Variants in NKX3-2 observed in about 807,000 individuals in gnomAD.
The protein encoded by NKX3-2 is homeobox protein Nkx-3.2.
A neutral mutation model predicts 19.4 loss-of-function variants in NKX3-2; 13 were observed. The ratio of observed to expected loss-of-function variants is 0.67; its 90% CI spans 0.44 to 1.07. NKX3-2 has a LOEUF of 1.07. Ranked by LOEUF, NKX3-2 falls within the 50% of genes least tolerant of loss-of-function variation. The pLI is 0.00. For synonymous variants in NKX3-2, 269 were observed against 230.5 expected (o/e 1.17, Z -1.51); for missense variants, 562 against 488.2 (o/e 1.15, Z -1.42).
chr4:13,542,182 C>T lies in NKX3-2; in HGVS notation c.813G>A (p.Leu271=), dbSNP rs1370223381. ...CCTTCTTGGCGGCGGGCGCCGAGGC[C>T]AGCAGGTCGGCTGCCATCTGCCGGC... ...TKRRQMAADL[L]ASAPAAKKVA... is the part of the protein sequence containing the mutation. The change falls in exon 2 of 2, where the codon CTG becomes CTA. Residue 271 remains leucine (L), a synonymous_variant. Coordinates refer to ENST00000382438, the MANE Select transcript of NKX3-2 (RefSeq NM_001189.4). This position sits in a 1 kb window ranked among gnomAD's most constrained non-coding sequence, Gnocchi z 6.4. 1.2e-6 allele frequency: 2 copies of T among 1,608,616 alleles called. No individual in the cohort carries two copies. The highest frequency in any genetic ancestry group is 1.7e-5 in the Admixed American group (1 of 59,358).
At chr4:13,545,905 T>C (rs909784475), upstream of NKX3-2, among the ~76,000 whole-genome samples, 2 of 152,348 alleles carry the variant, frequency 1.3e-5, no homozygotes, top group South Asian at 2.1e-4. Flanking sequence ...CATTGTATTA[T>C]GTAATAGTAG....
At chr4:13,547,101 T>G (rs1265033940), upstream of NKX3-2, 2 of 456,204 alleles carry the variant, frequency 4.4e-6, no homozygotes, top group African/African-American at 4.0e-5. Context: ...GGTCTTGAGC[T>G]GCAACTAGAA....
At chr4:13,545,876 C>T (rs189124040), upstream of NKX3-2, among the ~76,000 whole-genome samples, 579 of 152,156 alleles carry the variant, frequency 3.8e-3, 1 homozygote, top group African/African-American at 0.013. Context: ...ACTTTTTGCT[C>T]TTTAAAAAAT....
rs1489961154 is a variant in NKX3-2 at position 13,544,088 on chromosome 4, G to T, written c.327C>A (p.Asp109Glu). 12 of 1,586,068 alleles carry T rather than the reference G, an allele frequency of 7.6e-6. No homozygotes were observed. Among genetic ancestry groups the T allele is most frequent in the African/African-American group, 1.4e-5 (1 of 73,356 alleles). ...GGCCGGCCCCGCTGGCCCCCCGCGCGTCCGCGCAGCGCCGCCTGCTCTCGT... is the reference window on the plus strand; with the variant it reads ...GGCCGGCCCCGCTGGCCCCCCGCGCTTCCGCGCAGCGCCGCCTGCTCTCGT... ...EENESRRRCA[D>E]ARGASGAGLA... is the part of the protein sequence containing the mutation. The change falls in exon 1 of 2, where the codon GAC becomes GAA. Residue 109 changes from aspartate to glutamate, a missense_variant. Asp to Glu is a conservative substitution (Grantham distance 45). Transcript: ENST00000382438.
chr4:13,542,191 G>A lies in NKX3-2; in HGVS notation c.804C>T (p.Ala268=). 1 of 1,609,518 alleles carries A rather than the reference G, an allele frequency of 6.2e-7. No homozygotes were observed. The highest frequency in any genetic ancestry group is 2.2e-5 in the East Asian group (1 of 44,620). ...RYKTKRRQMA[A]DLLASAPAAK... is the part of the protein sequence containing the mutation. ...CGGCGGGCGCCGAGGCCAGCAGGTC[G>A]GCTGCCATCTGCCGGCGCTTTGTCT... is the stretch of plus-strand genomic sequence containing the variant. Residue 268 remains alanine (A), a synonymous_variant, in exon 2 of 2, where the codon GCC becomes GCT. Coordinates refer to ENST00000382438, the MANE Select transcript of NKX3-2 (RefSeq NM_001189.4). The surrounding 1 kb of genome is among the most constrained non-coding windows in gnomAD (Gnocchi z 6.4).
rs971560643 is a variant in NKX3-2, at chr4:13,543,535, G to A, written c.466+414C>T. On this transcript the variant is annotated intron_variant, in intron 1 of 1. Transcript: ENST00000382438. The surrounding 1 kb of genome is among the most constrained non-coding windows in gnomAD (Gnocchi z 7.1). ...CCGGCCCTGGGACCTTGAACTGGCAGGTCTCTGGTCCAGAGCTAGGTCACT... is the reference window on the plus strand; with the variant it reads ...CCGGCCCTGGGACCTTGAACTGGCAAGTCTCTGGTCCAGAGCTAGGTCACT... Among the ~76,000 whole-genome samples, 1 of 152,160 alleles carries A rather than the reference G, an allele frequency of 6.6e-6. No individual in the cohort carries two copies. Among genetic ancestry groups the A allele is most frequent in the African/African-American group, 2.4e-5 (1 of 41,424 alleles).
Position 13,543,092 on chromosome 4 carries a change from G to C in NKX3-2, c.467-564C>G, listed in dbSNP as rs1244864762. 6.6e-6 allele frequency among the ~76,000 whole-genome samples: 1 copy of C among 152,078 alleles called. No homozygotes were observed. The highest frequency in any genetic ancestry group is 2.4e-5 in the African/African-American group (1 of 41,430). ...GAGAGACATGGAAACAGGCTGAGCC[G>C]AGGCCTTAGATGAGAGGATGGACTG... On this transcript the variant is annotated intron_variant, in intron 1 of 1. Coordinates refer to ENST00000382438, the MANE Select transcript of NKX3-2 (RefSeq NM_001189.4). The surrounding 1 kb of genome is among the most constrained non-coding windows in gnomAD (Gnocchi z 7.1).
Position 13,542,802 on chromosome 4 carries a change from C to A in NKX3-2, c.467-274G>T, listed in dbSNP as rs1445744986. The stretch of plus-strand genomic sequence containing the variant: ...AGACCAGCTCCCCACCCTCTCTGGG[C>A]CCCAGGCTCCCCTCAGTAACTTGGG... On this transcript the variant is annotated intron_variant, in intron 1 of 1. Coordinates refer to ENST00000382438, the MANE Select transcript of NKX3-2 (RefSeq NM_001189.4). The surrounding 1 kb of genome is among the most constrained non-coding windows in gnomAD (Gnocchi z 6.4). 6.6e-6 allele frequency among the ~76,000 whole-genome samples: 1 copy of A among 152,050 alleles called. No homozygotes were observed. The highest frequency in any genetic ancestry group is 2.4e-5 in the African/African-American group (1 of 41,414).
Position 13,541,866 on chromosome 4 carries a change from C to A in NKX3-2, c.*127G>T. 7.1e-7 allele frequency: 1 copy of A among 1,404,028 alleles called. No homozygotes were observed. The highest frequency in any genetic ancestry group is 9.7e-7 in the Non-Finnish European group (1 of 1,035,320). The allele number at this position is 1,404,028 out of a possible 1,614,324, so 87.0% of individuals were successfully genotyped here. On this transcript the variant is annotated 3_prime_UTR_variant, in exon 2 of 2. Coordinates refer to ENST00000382438, the MANE Select transcript of NKX3-2 (RefSeq NM_001189.4). The stretch of plus-strand genomic sequence containing the variant: ...GGGGACAAGTCCTGGCTAACGGGAG[C>A]TGGAGCTGGGTTTCACCTCCAGGTG...
chr4:13,541,589 G>A lies in NKX3-2; in HGVS notation c.*404C>T, dbSNP rs2109003964. The A allele has an allele frequency of 5.0e-6, 1 of 198,284 alleles. No individual in the cohort carries two copies. The highest frequency in any genetic ancestry group is 5.5e-5 in the Admixed American group (1 of 18,062). 12.3% of individuals were successfully genotyped at this position (198,284 alleles called of 1,614,324 possible). A position where few individuals can be genotyped will look rare whatever the true frequency, so the allele number is the denominator to read the frequency against. On this transcript the variant is annotated 3_prime_UTR_variant, in exon 2 of 2. Coordinates refer to ENST00000382438, the MANE Select transcript of NKX3-2 (RefSeq NM_001189.4). ...GGATACCATGAACTAGTGTGGCCTA[G>A]TGCAGAAAGCTCCCAGCAGGCCTGA...
rs756642619 is a variant in NKX3-2 at position 13,544,154 on chromosome 4, G to C, written c.261C>G (p.Ser87Arg). ...CGGAGTCCGAGTCCCAGCCTTCCGG[G>C]CTCTCCGCAGTCCGCCCCGCAGCTG... ...TRTAAGRTAESPEGWDSDSAL... is the reference protein window; with the variant it reads ...TRTAAGRTAERPEGWDSDSAL... Residue 87 changes from serine to arginine, a missense_variant, in exon 1 of 2, where the codon AGC becomes AGG. Physicochemically the swap from Ser to Arg is moderately radical, Grantham distance 110 (BLOSUM62 -1). Transcript: ENST00000382438. The C allele has an allele frequency of 1.3e-4, 215 of 1,605,358 alleles. No individual in the cohort carries two copies. Among genetic ancestry groups the C allele is most frequent in the Non-Finnish European group, 1.7e-4 (198 of 1,178,766 alleles).
upstream of NKX3-2, chr4:13,547,069 T>G: frequency 2.2e-6 from 1 of 456,106 alleles, no homozygotes. Flanking sequence ...GTTGGGTGCT[T>G]GGCGCGGAGG....
upstream of NKX3-2, chr4:13,546,645 G>A (rs1718138536): frequency 1.7e-5 from 6 of 349,162 alleles, no homozygotes; most frequent in South Asian, 6.5e-5. Flanking sequence ...TTAGTACTTG[G>A]TGCTGACAAA....
rs1410678808 is a variant in NKX3-2, at chr4:13,542,029, C to T, written c.966G>A (p.Ala322=). ...CTGCGGCAGCTGCGCAGGTGGAGAG[C>T]GCCCAGCCTGGGAGGCAGTAGTACG... ...YYPYYCLPGW[A]LSTCAAAAGT... Residue 322 remains alanine, a synonymous_variant, in exon 2 of 2, where the codon GCG becomes GCA. Coordinates refer to ENST00000382438, the MANE Select transcript of NKX3-2 (RefSeq NM_001189.4). This position sits in a 1 kb window ranked among gnomAD's most constrained non-coding sequence, Gnocchi z 6.4. The T allele has an allele frequency of 1.3e-6, 2 of 1,597,462 alleles. No individual in the cohort carries two copies. Among genetic ancestry groups the T allele is most frequent in the African/African-American group, 2.7e-5 (2 of 74,480 alleles).
chr4:13,545,403 G>A (rs1369831999), upstream of NKX3-2, among the ~76,000 whole-genome samples: 1 of 152,220 alleles, frequency 6.6e-6, no homozygotes, highest in African/African-American at 2.4e-5. Context: ...AATCATGCTC[G>A]TAGTTTCTGT....
Position 13,541,953 on chromosome 4 carries a change from C to G in NKX3-2, c.*40G>C. 2 of 1,553,606 alleles carry G rather than the reference C, an allele frequency of 1.3e-6. No individual in the cohort carries two copies. The highest frequency in any genetic ancestry group is 1.7e-6 in the Non-Finnish European group (2 of 1,149,336). ...ACAGCTGTCAGCGCCGGTCCGGAGCCGGAGCGCGGGAATCACTCGCTGCCT... is the reference window on the plus strand; with the variant it reads ...ACAGCTGTCAGCGCCGGTCCGGAGCGGGAGCGCGGGAATCACTCGCTGCCT... On this transcript the variant is annotated 3_prime_UTR_variant, in exon 2 of 2. Transcript: ENST00000382438.
chr4:13,545,186 T>C (rs1426619174), upstream of NKX3-2: 4 of 152,378 alleles, frequency 2.6e-5, no homozygotes, highest in East Asian at 3.9e-4. Flanking sequence ...ACTGGGCACG[T>C]TGCGCCGCTA....
chr4:13,544,314 G>T lies in NKX3-2; in HGVS notation c.101C>A (p.Pro34Gln). Residue 34 changes from proline to glutamine, a missense_variant, in exon 1 of 2, where the codon CCG becomes CAG. Coordinates refer to ENST00000382438, the MANE Select transcript of NKX3-2 (RefSeq NM_001189.4). The stretch of plus-strand genomic sequence containing the variant: ...CGATGCCGCTGTGCCCCCGGGCGCC[G>T]GGCGCCCCTCTGGCGCGGCCAGCCC... ...RGGLAAPEGR[P>Q]APGGTAASVA... 1 of 1,530,240 alleles carries T rather than the reference G, an allele frequency of 6.5e-7. No homozygotes were observed. 94.8% of individuals were successfully genotyped at this position (1,530,240 alleles called of 1,614,324 possible). A position where few individuals can be genotyped will look rare whatever the true frequency, so the allele number is the denominator to read the frequency against.
At position 13,542,428 on chromosome 4, in the gene NKX3-2, C is replaced by A; in HGVS notation, c.567G>T (p.Pro189=). The A allele has an allele frequency of 1.3e-6, 2 of 1,546,358 alleles. No homozygotes were observed. The highest frequency in any genetic ancestry group is 8.7e-7 in the Non-Finnish European group (1 of 1,153,030). The part of the protein sequence containing the change: ...SGAGGGGGSG[P]AGVAEEEEEP... ...CCTCCTCCTCCTCCGCGACGCCTGC[C>A]GGCCCGCTGCCGCCCCCGCCGCCGG... The change falls in exon 2 of 2, where the codon CCG becomes CCT. Residue 189 remains proline (P), a synonymous_variant. Coordinates refer to ENST00000382438, the MANE Select transcript of NKX3-2 (RefSeq NM_001189.4). The surrounding 1 kb of genome is among the most constrained non-coding windows in gnomAD (Gnocchi z 6.4).
Sources: gnomAD v4.1 joint callset for allele counts (sites outside exome capture counted in the v4.1 genomes callset) on GRCh38, gnomAD v4.1.1 for gene constraint, Gnocchi (gnomAD v3.1) non-coding constraint, MANE v1.5 for transcripts, NCBI Gene and HGNC (gene_info 2026-07-23, HGNC 2026-07-21) for gene names.